Variants in GPR149 observed in about 807,000 individuals in gnomAD.
GPR149 encodes G protein-coupled receptor 149, also known as probable G protein-coupled receptor 149.
Under a neutral mutation model 50.2 loss-of-function variants are expected in GPR149, and 50 were observed. The observed-to-expected ratio is 1.00, with a 90% CI of 0.79 to 1.26. GPR149 has a LOEUF of 1.26. GPR149 is among the 50% of genes most tolerant of loss of function. The pLI is 0.00. For synonymous variants in GPR149, 405 were observed against 358.2 expected (o/e 1.13, Z -1.48); for missense variants, 983 against 895.4 (o/e 1.10, Z -1.25).
At chr3:154,387,762 C>T (rs933548770) in intron 3 of GPR149, among the ~76,000 whole-genome samples, 1 of 152,080 alleles carries the variant, frequency 6.6e-6, no homozygotes, top group Non-Finnish European at 1.5e-5. Context: ...TTATATCAAG[C>T]AAGCTCCGGG....
chr3:154,429,591 A>C lies in GPR149; in HGVS notation c.25T>G (p.Ser9Ala), dbSNP rs202078143. 1.1e-4 allele frequency: 177 copies of C among 1,613,014 alleles called. No homozygotes were observed. The highest frequency in any genetic ancestry group is 1.4e-4 in the Non-Finnish European group (164 of 1,179,150). ...TTCCACAGGCTAGAGTCATTTGTTG[A>C]TAAGTTACTGAGAAATAAAGACATT... Reference protein sequence around the residue: MSLFLSNLSTNDSSLWKEN... With the variant: MSLFLSNLATNDSSLWKEN... Residue 9 changes from serine to alanine, a missense_variant, in exon 1 of 4, where the codon TCA becomes GCA. Transcript: ENST00000389740.
intron 3 of GPR149, among the ~76,000 whole-genome samples, chr3:154,408,452 G>C (rs1247396439): frequency 6.6e-6 from 1 of 152,218 alleles, no homozygotes; most frequent in Non-Finnish European, 1.5e-5. Flanking sequence ...GTCACTGGCT[G>C]CCTGGAAATA....
intron 3 of GPR149, among the ~76,000 whole-genome samples, chr3:154,347,439 G>A (rs1713956152): frequency 6.6e-6 from 1 of 152,174 alleles, no homozygotes; most frequent in Admixed American, 6.5e-5. Flanking sequence ...TCACTATGAT[G>A]AGAACAGCAG....
At chr3:154,403,652 G>A (rs1048907795) in intron 3 of GPR149, among the ~76,000 whole-genome samples, 1 of 152,188 alleles carries the variant, frequency 6.6e-6, no homozygotes, top group Admixed American at 6.5e-5. Flanking sequence ...ATCAGCACAA[G>A]CGAGTTGCCC....
At position 154,429,878 on chromosome 3, in the gene GPR149, A is replaced by G. The variant is rs927346009; in HGVS notation, c.-263T>C. ...CAACATTCCAATTAAAAACAAAGCAAAAACTCCTTCCCACCATCAAGTTTC... is the reference window on the plus strand; with the variant it reads ...CAACATTCCAATTAAAAACAAAGCAGAAACTCCTTCCCACCATCAAGTTTC... On this transcript the variant is annotated 5_prime_UTR_variant, in exon 1 of 4. Coordinates refer to ENST00000389740, the MANE Select transcript of GPR149 (RefSeq NM_001038705.3). Among the ~76,000 whole-genome samples, 2 of 152,132 alleles carry G rather than the reference A, an allele frequency of 1.3e-5. No homozygotes were observed. Among genetic ancestry groups the G allele is most frequent in the African/African-American group, 4.8e-5 (2 of 41,444 alleles).
At chr3:154,389,557 AC>A (rs2108411584) in intron 3 of GPR149, among the ~76,000 whole-genome samples, 1 of 152,242 alleles carries the variant, frequency 6.6e-6, no homozygotes, top group African/African-American at 2.4e-5. Flanking sequence ...ACCTGGGGCT[AC>A]TGAGAATAAT....
intron 3 of GPR149, among the ~76,000 whole-genome samples, chr3:154,359,138 G>A (rs1193437888): frequency 6.6e-6 from 1 of 151,908 alleles, no homozygotes; most frequent in Non-Finnish European, 1.5e-5. Flanking sequence ...TGCAAAATAA[G>A]GGACATTCTT....
At chr3:154,411,369 C>T (rs1711827523) in intron 3 of GPR149, among the ~76,000 whole-genome samples, 1 of 151,514 alleles carries the variant, frequency 6.6e-6, no homozygotes, top group Non-Finnish European at 1.5e-5. Context: ...GAAATTGAAA[C>T]AAACAAAAAA....
At chr3:154,383,499 C>T (rs1009893575) in intron 3 of GPR149, among the ~76,000 whole-genome samples, 4 of 152,006 alleles carry the variant, frequency 2.6e-5, no homozygotes, top group Non-Finnish European at 5.9e-5. Context: ...CTTGCCATAT[C>T]GAAGTAGTTA....
chr3:154,337,778 T>C lies in GPR149; in HGVS notation c.2117A>G (p.Glu706Gly). Residue 706 changes from glutamate (E) to glycine (G), a missense_variant, in exon 4 of 4, where the codon GAG becomes GGG. Physicochemically the swap from Glu to Gly is moderately conservative, Grantham distance 98. Transcript: ENST00000389740. ...GATTTCCTCCTGGTAGCCATCCCTCTCTTGATGCTGCCTTTTACTGTTCTG... is the reference window on the plus strand; with the variant it reads ...GATTTCCTCCTGGTAGCCATCCCTCCCTTGATGCTGCCTTTTACTGTTCTG... ...HRQNSKRQHQ[E>G]RDGYQEEIQL... 6.2e-7 allele frequency: 1 copy of C among 1,613,796 alleles called. No homozygotes were observed. The highest frequency in any genetic ancestry group is 8.5e-7 in the Non-Finnish European group (1 of 1,179,882).
At chr3:154,404,249 C>T (rs1711616909) in intron 3 of GPR149, among the ~76,000 whole-genome samples, 1 of 152,090 alleles carries the variant, frequency 6.6e-6, no homozygotes. Context: ...TGGTCACTCA[C>T]TGTTATTTTA....
intron 3 of GPR149, among the ~76,000 whole-genome samples, chr3:154,367,568 A>G (rs1200439263): frequency 6.6e-6 from 1 of 152,316 alleles, no homozygotes; most frequent in East Asian, 1.9e-4. Context: ...CTCTGGTAAC[A>G]TCTTCCCACT....
chr3:154,417,033 A>C lies in GPR149; in HGVS notation c.1623+4006T>G, dbSNP rs570573456. 5.3e-5 allele frequency among the ~76,000 whole-genome samples: 8 copies of C among 152,072 alleles called. No homozygotes were observed. The East Asian group carries it at 1.2e-3, about 22-fold the overall frequency. Reference sequence around the variant, plus strand: ...TGAACTTGGTATTAAAAGAGAAAATAGAGTGATCACCCACAAGCCAGCCAA... The same window carrying C: ...TGAACTTGGTATTAAAAGAGAAAATCGAGTGATCACCCACAAGCCAGCCAA... On this transcript the variant is annotated intron_variant, in intron 3 of 3. Transcript: ENST00000389740.
chr3:154,392,729 A>C (rs1715198666), intron 3 of GPR149, among the ~76,000 whole-genome samples: 1 of 151,914 alleles, frequency 6.6e-6, no homozygotes. Context: ...ATAAAATTAG[A>C]AATAAAACAG....
chr3:154,346,819 G>A (rs919644709), intron 3 of GPR149, among the ~76,000 whole-genome samples: 1 of 151,958 alleles, frequency 6.6e-6, no homozygotes, highest in Non-Finnish European at 1.5e-5. Context: ...CTGGTCTTGA[G>A]CTCCTGACCT....
intron 3 of GPR149, among the ~76,000 whole-genome samples, chr3:154,382,918 T>C (rs1321091045): frequency 6.6e-6 from 1 of 152,202 alleles, no homozygotes; most frequent in Non-Finnish European, 1.5e-5. Context: ...TGATTTTTGA[T>C]GACTTGGTCT....
chr3:154,376,489 A>G (rs946892075), intron 3 of GPR149, among the ~76,000 whole-genome samples: 28 of 152,246 alleles, frequency 1.8e-4, no homozygotes, highest in Non-Finnish European at 3.8e-4. Context: ...AAGTTCTACA[A>G]TGAAGTCAAA....
At chr3:154,372,490 C>G (rs573264674) in intron 3 of GPR149, among the ~76,000 whole-genome samples, 1 of 152,272 alleles carries the variant, frequency 6.6e-6, no homozygotes, top group African/African-American at 2.4e-5. Context: ...CCTGTAAGAT[C>G]CTGTCTCCCT....
chr3:154,348,808 T>G (rs1713993986), intron 3 of GPR149, among the ~76,000 whole-genome samples: 1 of 152,066 alleles, frequency 6.6e-6, no homozygotes, highest in Non-Finnish European at 1.5e-5. Flanking sequence ...GGACACTCCA[T>G]CCAACAACAA....
Sources: allele counts gnomAD v4.1 joint callset (sites outside exome capture counted in the v4.1 genomes callset), GRCh38; gene constraint gnomAD v4.1.1; transcripts MANE v1.5; gene names NCBI Gene and HGNC (gene_info 2026-07-23, HGNC 2026-07-21).